VGLL4: variants seen among roughly 807,000 people sequenced by gnomAD.
VGLL4 encodes vestigial like family member 4, also known as transcription cofactor vestigial-like protein 4.
VGLL4 carries 7 observed loss-of-function variants against 21.0 expected under a neutral mutation model. That is an observed-to-expected ratio of 0.33 (90% CI 0.19 to 0.63). VGLL4 has a LOEUF of 0.63. VGLL4 is among the 20% of genes least tolerant of loss of function. The probability of loss-of-function intolerance (pLI) is 0.78; values close to 1 mark genes in which losing one functional copy is unlikely to be tolerated. For missense variants in VGLL4, 394 were observed against 425.7 expected, an observed-to-expected ratio of 0.93 and a Z score of 0.66; for synonymous variants, 222 against 173.2, an observed-to-expected ratio of 1.28 and a Z score of -2.21.
chr3:11,577,541 C>G (rs560740713), intron 2 of VGLL4, among the ~76,000 whole-genome samples: 3 of 152,088 alleles, frequency 2.0e-5, no homozygotes, highest in Admixed American at 2.0e-4. Flanking sequence ...TGCAGTGAGC[C>G]GAGATCATGC....
At chr3:11,615,629 C>A (rs1328360458) in intron 1 of VGLL4, among the ~76,000 whole-genome samples, 1 of 152,184 alleles carries the variant, frequency 6.6e-6, no homozygotes, top group East Asian at 1.9e-4. Flanking sequence ...CATTGTCACT[C>A]AATCACATAC....
intron 2 of VGLL4, among the ~76,000 whole-genome samples, chr3:11,685,140 T>C (rs111880197): frequency 0.011 from 1,726 of 152,252 alleles, 38 homozygotes; most frequent in African/African-American, 0.038. Flanking sequence ...GCTCCATCTA[T>C]GTTCCTGCAA....
intron 2 of VGLL4, among the ~76,000 whole-genome samples, chr3:11,583,028 T>C (rs866138531): frequency 3.9e-5 from 6 of 152,192 alleles, no homozygotes; most frequent in African/African-American, 1.4e-4. Context: ...AGTCTGCAGA[T>C]GTCTTAGCCA....
chr3:11,586,209 G>C (rs2074358319), intron 2 of VGLL4, among the ~76,000 whole-genome samples: 1 of 152,228 alleles, frequency 6.6e-6, no homozygotes, highest in East Asian at 1.9e-4. Flanking sequence ...GCACACATAT[G>C]AAAGAAAGAT....
intron 2 of VGLL4, among the ~76,000 whole-genome samples, chr3:11,573,259 G>T (rs1220098939): frequency 3.7e-4 from 4 of 10,760 alleles, no homozygotes; most frequent in Admixed American, 2.7e-3. Flanking sequence ...AAGAAAGAAA[G>T]AAAGAAAGAA....
chr3:11,564,042 C>T (rs2073289339), intron 3 of VGLL4, among the ~76,000 whole-genome samples: 1 of 152,330 alleles, frequency 6.6e-6, no homozygotes, highest in Non-Finnish European at 1.5e-5. Flanking sequence ...GCACCATCCT[C>T]TCTGTCAGTC....
chr3:11,584,007 G>A (rs967056264), intron 2 of VGLL4, among the ~76,000 whole-genome samples: 3 of 152,194 alleles, frequency 2.0e-5, no homozygotes, highest in Admixed American at 2.0e-4. Context: ...CAGGCCAGGT[G>A]TTACACAATA....
Position 11,558,796 on chromosome 3 carries a change from C to G in VGLL4, c.651G>C (p.Glu217Asp). Residue 217 changes from glutamate (E) to aspartate (D), a missense_variant, in exon 5 of 5, where the codon GAG becomes GAC. Physicochemically the swap from Glu to Asp is conservative, Grantham distance 45 (BLOSUM62 2). Transcript: ENST00000430365. ...AATTCDPVVE[E>D]HFRRSLGKNY... ...TCTTGCCCAGGCTCCTGCGGAAATG[C>G]TCCTCCACCACGGGGTCACAGGTGG... 2 of 1,613,684 alleles carry G rather than the reference C, an allele frequency of 1.2e-6. No individual in the cohort carries two copies. The highest frequency in any genetic ancestry group is 1.7e-6 in the Non-Finnish European group (2 of 1,179,806).
chr3:11,613,869 A>G (rs1412864194), intron 1 of VGLL4, among the ~76,000 whole-genome samples: 1 of 152,146 alleles, frequency 6.6e-6, no homozygotes, highest in Non-Finnish European at 1.5e-5. Context: ...CCTTCTCGCT[A>G]CTCATGACAG....
intron 2 of VGLL4, among the ~76,000 whole-genome samples, chr3:11,597,294 T>C (rs1473473589): frequency 6.6e-6 from 1 of 152,100 alleles, no homozygotes; most frequent in Non-Finnish European, 1.5e-5. Flanking sequence ...ACTCCACCTC[T>C]TCCCATCCTT....
chr3:11,707,441 A>G (rs1005842558), intron 1 of VGLL4, among the ~76,000 whole-genome samples: 4 of 151,788 alleles, frequency 2.6e-5, no homozygotes, highest in Non-Finnish European at 5.9e-5. Flanking sequence ...CTTCTGTAGG[A>G]AGCAGGTGCA....
intron 2 of VGLL4, among the ~76,000 whole-genome samples, chr3:11,685,628 T>C (rs1045299023): frequency 1.3e-5 from 2 of 152,232 alleles, no homozygotes; most frequent in African/African-American, 2.4e-5. Context: ...TTTGGGTATA[T>C]ACCCAGAAAT....
At chr3:11,645,243 T>C (rs1487496894), upstream of VGLL4, among the ~76,000 whole-genome samples, 1 of 151,982 alleles carries the variant, frequency 6.6e-6, no homozygotes, top group African/African-American at 2.4e-5. Context: ...AAATATATTT[T>C]TAATATTCCA....
chr3:11,634,804 A>AG (rs2075556732), intron 1 of VGLL4, among the ~76,000 whole-genome samples: 1 of 151,850 alleles, frequency 6.6e-6, no homozygotes, highest in Non-Finnish European at 1.5e-5. Context: ...CACCCTCCCG[A>AG]GTATCTGGGA....
chr3:11,694,012 C>T (rs145245596), intron 2 of VGLL4, among the ~76,000 whole-genome samples: 465 of 152,208 alleles, frequency 3.1e-3, no homozygotes, highest in Non-Finnish European at 3.9e-3. Flanking sequence ...CTCAGCACTG[C>T]CACAACCAGC....
At chr3:11,604,464 G>A in intron 1 of VGLL4, 1 of 957,512 alleles carries the variant, frequency 1.0e-6, no homozygotes, top group Non-Finnish European at 1.2e-6. Flanking sequence ...GTCAGGGACA[G>A]GTCCGTTCAG....
At chr3:11,698,716 C>T (rs988717829) in intron 2 of VGLL4, among the ~76,000 whole-genome samples, 1 of 152,148 alleles carries the variant, frequency 6.6e-6, no homozygotes, top group African/African-American at 2.4e-5. Flanking sequence ...CCCTTCCAGG[C>T]CATCCAGATA....
At chr3:11,704,239 C>T (rs534161516) in intron 1 of VGLL4, among the ~76,000 whole-genome samples, 12 of 151,370 alleles carry the variant, frequency 7.9e-5, no homozygotes, top group Admixed American at 2.0e-4. Context: ...AAAAATTAGC[C>T]GGGTATGGTG....
intron 1 of VGLL4, among the ~76,000 whole-genome samples, chr3:11,708,591 G>A (rs942968772): frequency 6.6e-6 from 1 of 152,018 alleles, no homozygotes; most frequent in Non-Finnish European, 1.5e-5. Flanking sequence ...TCCTGGAATG[G>A]CCCGAAAAGC....
Sources: allele counts gnomAD v4.1 joint callset (sites outside exome capture counted in the v4.1 genomes callset), GRCh38; gene constraint gnomAD v4.1.1; transcripts MANE v1.5; gene names NCBI Gene and HGNC (gene_info 2026-07-23, HGNC 2026-07-21).